RGS20: variants seen among roughly 807,000 people sequenced by gnomAD.
RGS20 encodes the protein gz-selective GTPase-activating protein.
In RGS20, 30 loss-of-function variants were observed where a neutral mutation model predicts 33.6. The observed-to-expected ratio is 0.89, with a 90% CI of 0.67 to 1.21. The LOEUF is 1.21. Ranked by LOEUF, RGS20 falls within the 50% of genes most tolerant of loss-of-function variation. The pLI is 0.00. For missense variants in RGS20, 472 were observed against 502.4 expected (o/e 0.94, Z 0.58); for synonymous variants, 208 against 197.9 (o/e 1.05, Z -0.43).
intron 1 of RGS20, among the ~76,000 whole-genome samples, chr8:53,866,585 T>C (rs554964386): frequency 6.6e-6 from 1 of 152,222 alleles, no homozygotes; most frequent in Non-Finnish European, 1.5e-5. Context: ...TTTCACCATT[T>C]TGGCCAGACT....
intron 2 of RGS20, among the ~76,000 whole-genome samples, chr8:53,895,372 A>T (rs1044269358): frequency 6.6e-6 from 1 of 152,204 alleles, no homozygotes; most frequent in Non-Finnish European, 1.5e-5. Context: ...GGCCTGGGCT[A>T]GAGGCAGAAA....
intron 3 of RGS20, 114 bp from the exon 3 acceptor site, chr8:53,946,543 TCCAAGTAG>T: frequency 1.2e-6 from 1 of 869,444 alleles, no homozygotes. Context: ...CATTTTTTTT[TCCAAGTAG>T]AGGAAGAAAT....
At chr8:53,866,479 C>A (rs758560566) in intron 1 of RGS20, among the ~76,000 whole-genome samples, 2 of 151,944 alleles carry the variant, frequency 1.3e-5, no homozygotes, top group Non-Finnish European at 2.9e-5. Context: ...CAGGTTCAAG[C>A]AATTCTCCTG....
At chr8:53,932,585 T>C (rs2375866) in intron 2 of RGS20, among the ~76,000 whole-genome samples, 54,148 of 152,028 alleles carry the variant, frequency 0.36, 10,891 homozygotes, top group African/African-American at 0.56. Context: ...CTAGATTCCT[T>C]CTCTCTGGAT....
intron 2 of RGS20, among the ~76,000 whole-genome samples, chr8:53,933,437 C>A (rs1814034118): frequency 6.6e-6 from 1 of 152,050 alleles, no homozygotes; most frequent in African/African-American, 2.4e-5. Context: ...AGCTGAAAAA[C>A]ACAGCACAAG....
At chr8:53,903,603 C>T (rs1813089616) in intron 2 of RGS20, among the ~76,000 whole-genome samples, 1 of 152,186 alleles carries the variant, frequency 6.6e-6, no homozygotes, top group Admixed American at 6.5e-5. Flanking sequence ...CAGCACTCTC[C>T]ATGCTTCTTC....
chr8:53,956,582 G>A (rs1170438417), intron 5 of RGS20, among the ~76,000 whole-genome samples: 1 of 152,162 alleles, frequency 6.6e-6, no homozygotes, highest in Non-Finnish European at 1.5e-5. Context: ...CGTCTCAAAT[G>A]ACTCCCATAT....
intron 5 of RGS20, among the ~76,000 whole-genome samples, chr8:53,956,326 G>A (rs1463648096): frequency 1.3e-5 from 2 of 152,168 alleles, no homozygotes; most frequent in Admixed American, 6.6e-5. Flanking sequence ...GGAGAGCATG[G>A]AGAGGTTTGG....
At chr8:53,858,733 G>A (rs545155521) in intron 1 of RGS20, among the ~76,000 whole-genome samples, 1 of 152,124 alleles carries the variant, frequency 6.6e-6, no homozygotes, top group South Asian at 2.1e-4. Context: ...ACGCCCCCAA[G>A]CAAGGAAGGT....
intron 2 of RGS20, among the ~76,000 whole-genome samples, chr8:53,917,545 C>G (rs1221488732): frequency 6.6e-6 from 1 of 152,238 alleles, no homozygotes; most frequent in African/African-American, 2.4e-5. Flanking sequence ...TAACTCTACA[C>G]TCCCTTACTC....
intron 2 of RGS20, among the ~76,000 whole-genome samples, chr8:53,895,386 G>A (rs1663283344): frequency 6.6e-6 from 1 of 152,150 alleles, no homozygotes; most frequent in Non-Finnish European, 1.5e-5. Context: ...GCAGAAATGT[G>A]GATTCGTTAG....
At chr8:53,914,471 T>A (rs1813429927) in intron 2 of RGS20, among the ~76,000 whole-genome samples, 1 of 152,240 alleles carries the variant, frequency 6.6e-6, no homozygotes, top group Non-Finnish European at 1.5e-5. Flanking sequence ...TAATTTGTGA[T>A]ATTTGCTGTC....
intron 2 of RGS20, among the ~76,000 whole-genome samples, chr8:53,918,160 T>C (rs1300005166): frequency 1.3e-5 from 2 of 152,188 alleles, no homozygotes; most frequent in Non-Finnish European, 2.9e-5. Flanking sequence ...AGTCACAAAG[T>C]TGTGCAACAA....
chr8:53,953,123 T>C (rs1442547910), intron 4 of RGS20, among the ~76,000 whole-genome samples: 2 of 152,234 alleles, frequency 1.3e-5, no homozygotes, highest in Non-Finnish European at 2.9e-5. Flanking sequence ...CACTATCCCA[T>C]TGATGGCTAC....
At chr8:53,873,177 C>T (rs757630198) in intron 1 of RGS20, among the ~76,000 whole-genome samples, 12 of 152,180 alleles carry the variant, frequency 7.9e-5, no homozygotes, top group Non-Finnish European at 1.3e-4. Flanking sequence ...GCTCCCACTT[C>T]GTCATCTACC....
chr8:53,941,946 C>T (rs1039766529), intron 3 of RGS20, among the ~76,000 whole-genome samples: 1 of 152,108 alleles, frequency 6.6e-6, no homozygotes, highest in Non-Finnish European at 1.5e-5. Context: ...TATATTCCTA[C>T]ATAGCACCAT....
intron 4 of RGS20, among the ~76,000 whole-genome samples, chr8:53,952,082 A>C (rs1032094465): frequency 2.0e-5 from 3 of 147,644 alleles, no homozygotes; most frequent in Non-Finnish European, 4.5e-5. Context: ...ATTTTACATC[A>C]TTATTATTTT....
At chr8:53,886,077 T>C (rs1478266186) in intron 2 of RGS20, among the ~76,000 whole-genome samples, 1 of 152,222 alleles carries the variant, frequency 6.6e-6, no homozygotes, top group African/African-American at 2.4e-5. Flanking sequence ...CAATGTGAGC[T>C]TCTATTCAAA....
intron 2 of RGS20, 130 bp downstream of exon 1, chr8:53,881,214 G>T: frequency 1.5e-6 from 1 of 661,976 alleles, no homozygotes; most frequent in Non-Finnish European, 2.3e-6. Flanking sequence ...CGTTGCTGCG[G>T]GGCGGGAGCC....
Sources: allele counts gnomAD v4.1 joint callset (sites outside exome capture counted in the v4.1 genomes callset), GRCh38; gene constraint gnomAD v4.1.1; transcripts MANE v1.5; gene names NCBI Gene and HGNC (gene_info 2026-07-23, HGNC 2026-07-21).